SAG: variants seen among roughly 807,000 people sequenced by gnomAD.
The protein encoded by SAG is S-antigen visual arrestin, also known as S-arrestin.
Under a neutral mutation model 55.0 loss-of-function variants are expected in SAG, and 45 were observed. The ratio of observed to expected loss-of-function variants is 0.82; its 90% CI spans 0.64 to 1.05. The LOEUF is 1.05. Ranked by LOEUF, SAG falls within the 50% of genes least tolerant of loss-of-function variation. SAG has a pLI of 0.00. For missense variants in SAG, 455 were observed against 512.1 expected (o/e 0.89, Z 1.08); for synonymous variants, 189 against 197.4 (o/e 0.96, Z 0.36).
chr2:233,324,173 G>C (rs1700475544), intron 6 of SAG, among the ~76,000 whole-genome samples: 1 of 152,112 alleles, frequency 6.6e-6, no homozygotes, highest in African/African-American at 2.4e-5. Context: ...GAGGTGGGCG[G>C]ATCAACCCAG....
At chr2:233,338,649 T>C in intron 11 of SAG, 27 bp from the exon 12 acceptor site, 1 of 1,601,986 alleles carries the variant, frequency 6.2e-7, no homozygotes, top group Non-Finnish European at 8.6e-7. Flanking sequence ...CTCTCCATCA[T>C]TCTCCTTTTC....
At chr2:233,335,481 G>C (rs535636579) in intron 11 of SAG, among the ~76,000 whole-genome samples, 4 of 152,354 alleles carry the variant, frequency 2.6e-5, no homozygotes, top group South Asian at 2.1e-4. Flanking sequence ...CTGACACACA[G>C]AGAGTGCTCC....
chr2:233,323,072 T>C (rs1483135339), intron 6 of SAG, 67 bp downstream of exon 6: 2 of 1,016,672 alleles, frequency 2.0e-6, no homozygotes, highest in Non-Finnish European at 3.0e-6. Flanking sequence ...TTTTTTATTG[T>C]TTTTGAAACA....
intron 14 of SAG, chr2:233,345,626 C>T (rs1250385981): frequency 6.6e-6 from 1 of 152,140 alleles, no homozygotes; most frequent in African/African-American, 2.4e-5. Context: ...GAGGTTAAGC[C>T]AGGAGAATCA....
In SAG at chr2:233,319,030, GA is replaced by G. The variant is rs1303808074; in HGVS notation, c.181+236del. ...AGCAAAGTCATTGTCCAGGGTGGCA[GA>G]TAAGTAGATGGTAGACGGAGCCCAG... On this transcript the variant is annotated intron_variant, in intron 4 of 15. Transcript: ENST00000409110. This position sits in a 1 kb window ranked among gnomAD's most constrained non-coding sequence, Gnocchi z 4.4. The G allele has an allele frequency of 2.9e-6, 2 of 699,156 alleles. No individual in the cohort carries two copies. Among genetic ancestry groups the G allele is most frequent in the Non-Finnish European group, 5.4e-6 (2 of 372,552 alleles). 43.3% of individuals were successfully genotyped at this position (699,156 alleles called of 1,614,324 possible). A position where few individuals can be genotyped will look rare whatever the true frequency, so the allele number is the denominator to read the frequency against.
intron 10 of SAG, chr2:233,332,113 A>G (rs1407227327): frequency 1.3e-5 from 3 of 238,408 alleles, no homozygotes; most frequent in Non-Finnish European, 2.5e-5. Context: ...TTTGATCTCA[A>G]ATTGAAATCT....
intron 14 of SAG, chr2:233,342,721 T>C (rs1319154754): frequency 5.2e-6 from 1 of 191,796 alleles, no homozygotes; most frequent in Non-Finnish European, 1.1e-5. Flanking sequence ...AAAGGCCTCA[T>C]GTTTCATTTG....
intron 11 of SAG, among the ~76,000 whole-genome samples, chr2:233,337,150 T>A (rs935920640): frequency 2.6e-5 from 4 of 152,108 alleles, no homozygotes; most frequent in Non-Finnish European, 4.4e-5. Context: ...CTTGTACCCC[T>A]TTTTTCCCTT....
chr2:233,328,659 G>T, intron 8 of SAG, 46 bp downstream of exon 8: 1 of 1,563,794 alleles, frequency 6.4e-7, no homozygotes, highest in South Asian at 1.2e-5. Context: ...CAGGCCTAGG[G>T]GCAGGCCCCA....
chr2:233,318,256 C>G (rs1360334604), intron 3 of SAG, among the ~76,000 whole-genome samples: 1 of 152,196 alleles, frequency 6.6e-6, no homozygotes, highest in African/African-American at 2.4e-5. Context: ...CCTTGACTTC[C>G]CGGGCTCAAG....
chr2:233,330,524 CCTTCCTTCCTTCCTT>C (rs1700724153), intron 9 of SAG, among the ~76,000 whole-genome samples: 4 of 148,214 alleles, frequency 2.7e-5, no homozygotes, highest in African/African-American at 1.0e-4. Context: ...TTCCTTCCTT[CCTTCCTTCCTTCCTT>C]CCTCCCTTTC....
chr2:233,336,688 C>T (rs1700941839), intron 11 of SAG, among the ~76,000 whole-genome samples: 1 of 152,204 alleles, frequency 6.6e-6, no homozygotes, highest in Admixed American at 6.5e-5. Context: ...GTCCACTCCA[C>T]AGCAAATCTC....
chr2:233,346,712 G>C (rs768207766), intron 15 of SAG, 95 bp from the exon 16 acceptor site: 25 of 897,598 alleles, frequency 2.8e-5, no homozygotes, highest in Non-Finnish European at 4.2e-5. Context: ...GGAAAACCTT[G>C]ATCAGTTCCT....
In SAG at chr2:233,346,920, G is replaced by A. The variant is rs781710212; in HGVS notation, c.*8G>A. On this transcript the variant is annotated 3_prime_UTR_variant, in exon 16 of 16. Coordinates refer to ENST00000409110, the MANE Select transcript of SAG (RefSeq NM_000541.5). Reference sequence around the variant, plus strand: ...AATGACGTTGATGAGTGAAGATGTCGGCTCAGGATGCCGGAAAATGACCTG... The same window carrying A: ...AATGACGTTGATGAGTGAAGATGTCAGCTCAGGATGCCGGAAAATGACCTG... The A allele has an allele frequency of 1.4e-5, 21 of 1,538,544 alleles. No individual in the cohort carries two copies. The highest frequency in any genetic ancestry group is 6.8e-5 in the South Asian group (6 of 87,860).
intron 2 of SAG, among the ~76,000 whole-genome samples, chr2:233,312,080 C>G (rs1476966824): frequency 6.6e-6 from 1 of 152,088 alleles, no homozygotes; most frequent in Non-Finnish European, 1.5e-5. Flanking sequence ...GAGCCGAGAT[C>G]GCGCCATTGC....
intron 6 of SAG, among the ~76,000 whole-genome samples, chr2:233,326,697 A>G (rs567853716): frequency 6.6e-6 from 1 of 152,110 alleles, no homozygotes; most frequent in East Asian, 1.9e-4. Flanking sequence ...TCCATACCCT[A>G]TCAGGGCATT....
chr2:233,309,103 T>G, intron 1 of SAG, 59 bp from the exon 2 acceptor site: 13 of 999,556 alleles, frequency 1.3e-5, no homozygotes, highest in Non-Finnish European at 1.8e-5. Context: ...GTTCTTGACT[T>G]GATATTTAGG....
intron 11 of SAG, 89 bp from the exon 12 acceptor site, chr2:233,338,587 G>A: frequency 8.7e-7 from 1 of 1,153,734 alleles, no homozygotes; most frequent in Middle Eastern, 2.8e-4. Context: ...CTCCATGACG[G>A]CATGCCTGCC....
intron 2 of SAG, among the ~76,000 whole-genome samples, chr2:233,311,928 C>T (rs1203904186): frequency 3.9e-5 from 6 of 152,146 alleles, no homozygotes; most frequent in African/African-American, 1.4e-4. Context: ...GAGTTCGAGA[C>T]CAGCCTGGCC....
Sources: gnomAD v4.1 joint callset for allele counts (sites outside exome capture counted in the v4.1 genomes callset) on GRCh38, gnomAD v4.1.1 for gene constraint, Gnocchi (gnomAD v3.1) non-coding constraint, MANE v1.5 for transcripts, NCBI Gene and HGNC (gene_info 2026-07-23, HGNC 2026-07-21) for gene names.